DET1: variants seen among roughly 807,000 people sequenced by gnomAD.
DET1 encodes the protein DET1 homolog.
A neutral mutation model predicts 43.7 loss-of-function variants in DET1; 22 were observed. The observed-to-expected ratio is 0.50, with a 90% CI of 0.36 to 0.72. The LOEUF (loss-of-function observed/expected upper bound fraction) is 0.72. Among genes scored for constraint, DET1 ranks in the 30% least tolerant of loss-of-function variants. The pLI is 0.00. For missense variants in DET1, 713 were observed against 713.3 expected (o/e 1.00, Z 0.00); for synonymous variants, 315 against 266.2 (o/e 1.18, Z -1.79).
intron 3 of DET1, among the ~76,000 whole-genome samples, chr15:88,526,471 G>C (rs900568525): frequency 6.6e-6 from 1 of 152,054 alleles, no homozygotes; most frequent in East Asian, 1.9e-4. Flanking sequence ...TGGCTCATAG[G>C]AGGGCCTTGC....
intron 3 of DET1, among the ~76,000 whole-genome samples, chr15:88,518,995 T>A (rs1278345985): frequency 1.3e-5 from 2 of 152,132 alleles, no homozygotes; most frequent in Non-Finnish European, 2.9e-5. Flanking sequence ...TTCCCTTTCA[T>A]TTGAGCTGAA....
At chr15:88,517,452 C>G (rs2056377281) in intron 3 of DET1, among the ~76,000 whole-genome samples, 1 of 152,028 alleles carries the variant, frequency 6.6e-6, no homozygotes, top group African/African-American at 2.4e-5. Flanking sequence ...TCTTGAACTC[C>G]TGGGTTCAAC....
intron 4 of DET1, among the ~76,000 whole-genome samples, chr15:88,514,800 A>G (rs1383792106): frequency 6.6e-6 from 1 of 152,264 alleles, no homozygotes; most frequent in Non-Finnish European, 1.5e-5. Flanking sequence ...AATGCTGTTA[A>G]TATCCTTATA....
chr15:88,524,408 G>A (rs556560306), intron 3 of DET1, among the ~76,000 whole-genome samples: 9 of 151,924 alleles, frequency 5.9e-5, no homozygotes, highest in South Asian at 4.2e-4. Context: ...CGGCTGCCCC[G>A]TCTGGGAAGT....
chr15:88,531,444 G>C lies in DET1; in HGVS notation c.262C>G (p.Gln88Glu). ...AGGTCCTCTGCTGCCTGGCAGCCCT[G>C]GTACTCATAGATTTCAAGAGATGTC... ...DQTSLEIYEY[Q>E]GCQAAEDLLQ... Residue 88 changes from glutamine (Q) to glutamate (E), a missense_variant, in exon 2 of 5, where the codon CAG becomes GAG. Transcript: ENST00000268148. This position sits in a 1 kb window ranked among gnomAD's most constrained non-coding sequence, Gnocchi z 6.2. 6.2e-7 allele frequency: 1 copy of C among 1,614,026 alleles called. No individual in the cohort carries two copies. Among genetic ancestry groups the C allele is most frequent in the Non-Finnish European group, 8.5e-7 (1 of 1,179,902 alleles).
chr15:88,511,778 G>A (rs1194764068), downstream of DET1, among the ~76,000 whole-genome samples: 1 of 152,124 alleles, frequency 6.6e-6, no homozygotes, highest in Non-Finnish European at 1.5e-5. Flanking sequence ...AACTGTTTTT[G>A]GTGGGACTCA....
At chr15:88,506,503 T>C (rs2056143148) in intron 7 of DET1, among the ~76,000 whole-genome samples, 1 of 151,666 alleles carries the variant, frequency 6.6e-6, no homozygotes, top group Non-Finnish European at 1.5e-5. Context: ...GTAAACAAAA[T>C]TGCCCTGTGG....
At chr15:88,538,134 T>A (rs1340598370) in intron 1 of DET1, among the ~76,000 whole-genome samples, 1 of 152,198 alleles carries the variant, frequency 6.6e-6, no homozygotes, top group Non-Finnish European at 1.5e-5. Flanking sequence ...TTGGGACACT[T>A]GTAATGCCCA....
chr15:88,546,071 C>G (rs967902152), intron 1 of DET1, among the ~76,000 whole-genome samples: 5 of 151,722 alleles, frequency 3.3e-5, no homozygotes, highest in African/African-American at 1.2e-4. Flanking sequence ...TTAACTAGAC[C>G]CCCCCTCCCC....
At chr15:88,537,984 T>C (rs1466136910) in intron 1 of DET1, among the ~76,000 whole-genome samples, 1 of 152,204 alleles carries the variant, frequency 6.6e-6, no homozygotes, top group Non-Finnish European at 1.5e-5. Flanking sequence ...AATGTCTGAT[T>C]CCCTTGCTAC....
At chr15:88,506,739 T>C (rs764506435) in intron 7 of DET1, among the ~76,000 whole-genome samples, 2 of 152,214 alleles carry the variant, frequency 1.3e-5, no homozygotes, top group African/African-American at 4.8e-5. Flanking sequence ...TCATTTATAC[T>C]GTGCTTCTCT....
rs61731594 is a variant in DET1, at chr15:88,531,466, T to A, written c.240A>T (p.Thr80=). Reference sequence around the variant, plus strand: ...CCTGGTACTCATAGATTTCAAGAGATGTCTGGTCTGAAGAAAAAGCAATAA... The same window carrying A: ...CCTGGTACTCATAGATTTCAAGAGAAGTCTGGTCTGAAGAAAAAGCAATAA... The part of the protein sequence containing the change: ...RYFIAFSSDQ[T]SLEIYEYQGC... Residue 80 remains threonine (T), a synonymous_variant, in exon 2 of 5, where the codon ACA becomes ACT. Transcript: ENST00000268148. This position sits in a 1 kb window ranked among gnomAD's most constrained non-coding sequence, Gnocchi z 6.2. 84 of 1,614,030 alleles carry A rather than the reference T, an allele frequency of 5.2e-5. 1 individual carries two copies. The African/African-American group carries it at 1.0e-3, about 19-fold the overall frequency.
At position 88,530,753 on chromosome 15, in the gene DET1, C is replaced by T. The variant is rs746255778; in HGVS notation, c.953G>A (p.Arg318His). Residue 318 changes from arginine to histidine, a missense_variant, in exon 2 of 5, where the codon CGC becomes CAC. Physicochemically the swap from Arg to His is conservative, Grantham distance 29. Coordinates refer to ENST00000268148, the MANE Select transcript of DET1 (RefSeq NM_001144074.3). ...CAGTTGGTCAAAATACTGGAAGAAG[C>T]GCCTCTTGGCCATTGCACTACCATC... ...EQDGSAMAKR[R>H]FFQYFDQLRQ... The T allele has an allele frequency of 2.2e-5, 35 of 1,613,744 alleles. No homozygotes were observed. Among genetic ancestry groups the T allele is most frequent in the Admixed American group, 1.0e-4 (6 of 59,978 alleles).
At chr15:88,534,872 T>A (rs2056907900) in intron 1 of DET1, among the ~76,000 whole-genome samples, 1 of 152,184 alleles carries the variant, frequency 6.6e-6, no homozygotes, top group African/African-American at 2.4e-5. Flanking sequence ...AGCCCTATCA[T>A]CTTATAATAT....
chr15:88,508,954 G>A (rs28717989), downstream of DET1, among the ~76,000 whole-genome samples: 1,368 of 152,322 alleles, frequency 9.0e-3, 23 homozygotes, highest in African/African-American at 0.031. Context: ...AGGGTCTTTT[G>A]AAAAGCCACA....
intron 4 of DET1, among the ~76,000 whole-genome samples, chr15:88,514,560 ATAGT>A (rs1275166241): frequency 1.3e-5 from 2 of 152,252 alleles, no homozygotes; most frequent in African/African-American, 4.8e-5. Flanking sequence ...TGATGGGGGA[ATAGT>A]TAAATAAATC....
intron 3 of DET1, among the ~76,000 whole-genome samples, chr15:88,521,508 T>C (rs1296385701): frequency 6.6e-6 from 1 of 152,242 alleles, no homozygotes; most frequent in Non-Finnish European, 1.5e-5. Context: ...AGACTCTCTT[T>C]GCCTCTCTCC....
At chr15:88,541,186 T>C (rs1321906857) in intron 1 of DET1, among the ~76,000 whole-genome samples, 1 of 137,362 alleles carries the variant, frequency 7.3e-6, no homozygotes, top group Admixed American at 7.3e-5. Context: ...AGCATTGAGA[T>C]GTTTATGTGT....
Position 88,513,078 on chromosome 15 carries a change from G to T in DET1, c.1526C>A (p.Pro509His). The T allele has an allele frequency of 6.2e-7, 1 of 1,614,046 alleles. No individual in the cohort carries two copies. Among genetic ancestry groups the T allele is most frequent in the Non-Finnish European group, 8.5e-7 (1 of 1,179,894 alleles). Residue 509 changes from proline (P) to histidine (H), a missense_variant, in exon 5 of 5, where the codon CCC (proline) becomes CAC (histidine). Pro to His is a moderately conservative substitution (Grantham distance 77). Transcript: ENST00000268148. ...AAGGCGTCGCACTGTGTGGTTGATG[G>T]GGCGGCCCAATAACCCCGCCTGGAT... ...FEIQAGLLGR[P>H]INHTVRRLVA...
Sources: gnomAD v4.1 joint callset for allele counts (sites outside exome capture counted in the v4.1 genomes callset) on GRCh38, gnomAD v4.1.1 for gene constraint, Gnocchi (gnomAD v3.1) non-coding constraint, MANE v1.5 for transcripts, NCBI Gene and HGNC (gene_info 2026-07-23, HGNC 2026-07-21) for gene names.